The following SAMD15 variants were observed in gnomAD, a reference collection of about 807,000 sequenced individuals.
The protein encoded by SAMD15 is sterile alpha motif domain containing 15, also known as sterile alpha motif domain-containing protein 15.
In SAMD15, 37 loss-of-function variants were observed where a neutral mutation model predicts 50.5. The observed-to-expected ratio is 0.73, with a 90% confidence interval of 0.56 to 0.96. The LOEUF (loss-of-function observed/expected upper bound fraction) is 0.96. Among genes scored for constraint, SAMD15 ranks in the 40% least tolerant of loss-of-function variants. The probability of loss-of-function intolerance (pLI) is 0.00; values close to 1 mark genes in which losing one functional copy is unlikely to be tolerated. For missense variants in SAMD15, 789 were observed against 783.8 expected (o/e 1.01, Z -0.08); for synonymous variants, 255 against 282.8 (o/e 0.90, Z 0.99).
chr14:77,377,393 G>C lies in SAMD15; in HGVS notation c.-26G>C. 2 of 1,571,384 alleles carry C rather than the reference G, an allele frequency of 1.3e-6. No homozygotes were observed. The highest frequency in any genetic ancestry group is 1.9e-5 in the Admixed American group (1 of 53,356). On this transcript the variant is annotated 5_prime_UTR_variant, in exon 1 of 3. Transcript: ENST00000216471. ...TATCGGAAGTTGGGGTTGCTAGGAAGCCGCGGCGCGTCTGCTAAGCTGCAA... is the reference window on the plus strand; with the variant it reads ...TATCGGAAGTTGGGGTTGCTAGGAACCCGCGGCGCGTCTGCTAAGCTGCAA...
intron 1 of SAMD15, among the ~76,000 whole-genome samples, chr14:77,379,686 C>T (rs1253879460): frequency 2.0e-5 from 3 of 152,128 alleles, no homozygotes; most frequent in African/African-American, 7.2e-5. Flanking sequence ...CCACCGTGCC[C>T]GGCCTTAGAC....
rs1264882207 is a variant in SAMD15, at chr14:77,378,767, C to T, written c.1349C>T (p.Ser450Leu). Reference sequence around the variant, plus strand: ...CGTGAGCCTAAAAGAGGAAAGTTGTCACTAAGTGACAAATTTAGAAAAGAA... The same window carrying T: ...CGTGAGCCTAAAAGAGGAAAGTTGTTACTAAGTGACAAATTTAGAAAAGAA... Reference protein sequence around the residue: ...EHREPKRGKLSLSDKFRKEYY... With the variant: ...EHREPKRGKLLLSDKFRKEYY... The change falls in exon 1 of 3, where the codon TCA becomes TTA. Residue 450 changes from serine (S) to leucine (L), a missense_variant. Around this residue, in one of 2 missense-constraint regions of SAMD15, gnomAD observed 770 missense variants for 745.4 expected, o/e 1.03. Coordinates refer to ENST00000216471, the MANE Select transcript of SAMD15 (RefSeq NM_001010860.4). 1.9e-6 allele frequency: 3 copies of T among 1,611,744 alleles called. No individual in the cohort carries two copies. In the South Asian group the frequency reaches 3.3e-5, roughly 18 times the overall value.
chr14:77,377,917 A>G lies in SAMD15; in HGVS notation c.499A>G (p.Thr167Ala). 6.2e-7 allele frequency: 1 copy of G among 1,614,128 alleles called. No individual in the cohort carries two copies. Among genetic ancestry groups the G allele is most frequent in the Non-Finnish European group, 8.5e-7 (1 of 1,180,014 alleles). The change falls in exon 1 of 3, where the codon ACC becomes GCC. Residue 167 changes from threonine to alanine, a missense_variant. By Grantham distance (58) the Thr-to-Ala change is moderately conservative. Coordinates refer to ENST00000216471, the MANE Select transcript of SAMD15 (RefSeq NM_001010860.4). ...TDPDPVPPTE[T>A]MSEVSGATVR... ...TCCAGATCCAGTGCCACCAACGGAAACCATGTCTGAGGTTTCGGGGGCCAC... is the reference window on the plus strand; with the variant it reads ...TCCAGATCCAGTGCCACCAACGGAAGCCATGTCTGAGGTTTCGGGGGCCAC...
At position 77,378,019 on chromosome 14, in the gene SAMD15, C is replaced by T. The variant is rs1233711147; in HGVS notation, c.601C>T (p.His201Tyr). 1.9e-6 allele frequency: 3 copies of T among 1,613,862 alleles called. No homozygotes were observed. The highest frequency in any genetic ancestry group is 1.7e-6 in the Non-Finnish European group (2 of 1,179,996). Residue 201 changes from histidine to tyrosine, a missense_variant, in exon 1 of 3, where the codon CAT (histidine) becomes TAT (tyrosine). This residue lies in a region of SAMD15 where 770 missense variants were observed against 745.4 expected (regional missense o/e 1.03). Transcript: ENST00000216471. ...GVPEESLRVQ[H>Y]EETGLEPPEQ... ...TCCAGAGGAATCACTTAGAGTGCAACATGAAGAGACAGGTCTAGAGCCTCC... is the reference window on the plus strand; with the variant it reads ...TCCAGAGGAATCACTTAGAGTGCAATATGAAGAGACAGGTCTAGAGCCTCC...
chr14:77,379,838 C>G (rs1218869779), intron 1 of SAMD15, among the ~76,000 whole-genome samples: 3 of 152,184 alleles, frequency 2.0e-5, no homozygotes, highest in Non-Finnish European at 4.4e-5. Context: ...AAATATGTCA[C>G]CTGTATCATG....
In SAMD15 at chr14:77,378,978, G is replaced by A. The variant is rs1477846586; in HGVS notation, c.1560G>A (p.Leu520=). 2 of 1,614,070 alleles carry A rather than the reference G, an allele frequency of 1.2e-6. No homozygotes were observed. Among genetic ancestry groups the A allele is most frequent in the African/African-American group, 1.3e-5 (1 of 74,930 alleles). Residue 520 remains leucine (L), a synonymous_variant, in exon 1 of 3, where the codon TTG becomes TTA. Coordinates refer to ENST00000216471, the MANE Select transcript of SAMD15 (RefSeq NM_001010860.4). ...AAGTTGTAGATTTGTCCCAAGAGTT[G>A]AAGGAACGGGTCTCTGAAGATGACG... is the stretch of plus-strand genomic sequence containing the variant. ...EKEVVDLSQE[L]KERVSEDDET...
rs143117906 is a variant in SAMD15 at position 77,391,111 on chromosome 14, A to C, written c.1892A>C (p.Gln631Pro). The part of the protein sequence containing the change: ...YRDIIGLYLE[Q>P]KGHTGIKSDS... ...GATATTATCGGCTTATATTTAGAGC[A>C]AAAAGGTCATACTGGGATAAAATCT... Residue 631 changes from glutamine to proline, a missense_variant, in exon 3 of 3, where the codon CAA becomes CCA. Around this residue, in one of 2 missense-constraint regions of SAMD15, gnomAD observed 770 missense variants for 745.4 expected, o/e 1.03. Transcript: ENST00000216471. 3.1e-6 allele frequency: 5 copies of C among 1,613,720 alleles called. No individual in the cohort carries two copies. Among genetic ancestry groups the C allele is most frequent in the Non-Finnish European group, 4.2e-6 (5 of 1,179,720 alleles).
At chr14:77,388,678 A>G (rs570549590) in intron 2 of SAMD15, among the ~76,000 whole-genome samples, 207 of 151,482 alleles carry the variant, frequency 1.4e-3, no homozygotes, top group African/African-American at 4.9e-3. Flanking sequence ...GTGCGATCTC[A>G]GCTCACTGGA....
At chr14:77,386,234 G>A (rs115502128) in intron 2 of SAMD15, among the ~76,000 whole-genome samples, 1,596 of 152,004 alleles carry the variant, frequency 0.01, 26 homozygotes, top group African/African-American at 0.037. Flanking sequence ...TTTGACAAAT[G>A]CATGCACTCA....
In SAMD15 at chr14:77,378,982, G is replaced by A; in HGVS notation, c.1564G>A (p.Glu522Lys). ...EVVDLSQELKERVSEDDETQP... is the reference protein window; with the variant it reads ...EVVDLSQELKKRVSEDDETQP... ...TGTAGATTTGTCCCAAGAGTTGAAG[G>A]AACGGGTCTCTGAAGATGACGAAAC... Residue 522 changes from glutamate to lysine, a missense_variant, in exon 1 of 3, where the codon GAA becomes AAA. Physicochemically the swap from Glu to Lys is moderately conservative, Grantham distance 56. Coordinates refer to ENST00000216471, the MANE Select transcript of SAMD15 (RefSeq NM_001010860.4). 1 of 1,614,192 alleles carries A rather than the reference G, an allele frequency of 6.2e-7. No homozygotes were observed. Among genetic ancestry groups the A allele is most frequent in the Non-Finnish European group, 8.5e-7 (1 of 1,180,050 alleles).
chr14:77,381,138 G>C (rs1893938593), intron 2 of SAMD15, among the ~76,000 whole-genome samples: 1 of 152,082 alleles, frequency 6.6e-6, no homozygotes, highest in East Asian at 1.9e-4. Flanking sequence ...CCAGCCCACA[G>C]TAGCCCCCAT....
Position 77,379,148 on chromosome 14 carries a change from C to A in SAMD15, c.1689+41C>A, listed in dbSNP as rs1464659004. On this transcript the variant is annotated intron_variant, in intron 1 of 2. Transcript: ENST00000216471. ...ATGTTTTGAAATCACATGCTGTCAT[C>A]CGTCTACTTCTTATTCCTTCTAACT... is the stretch of plus-strand genomic sequence containing the variant. 18 of 1,566,324 alleles carry A rather than the reference C, an allele frequency of 1.1e-5. No individual in the cohort carries two copies. The East Asian group carries it at 4.0e-4, about 35-fold the overall frequency.
Position 77,377,447 on chromosome 14 carries a change from C to G in SAMD15, c.29C>G (p.Ser10Cys). MAEVPEDYDSGPDEDGELEP... is the reference protein window; with the variant it reads MAEVPEDYDCGPDEDGELEP... Reference sequence around the variant, plus strand: ...GCTGAAGTCCCGGAGGATTATGATTCCGGCCCAGATGAAGATGGAGAGCTG... The same window carrying G: ...GCTGAAGTCCCGGAGGATTATGATTGCGGCCCAGATGAAGATGGAGAGCTG... The change falls in exon 1 of 3, where the codon TCC becomes TGC. Residue 10 changes from serine to cysteine, a missense_variant. Around this residue, in one of 2 missense-constraint regions of SAMD15, gnomAD observed 770 missense variants for 745.4 expected, o/e 1.03. Transcript: ENST00000216471. 1.2e-6 allele frequency: 2 copies of G among 1,612,562 alleles called. No individual in the cohort carries two copies. Among genetic ancestry groups the G allele is most frequent in the Non-Finnish European group, 1.7e-6 (2 of 1,179,388 alleles).
At chr14:77,389,177 A>T (rs571184003) in intron 2 of SAMD15, among the ~76,000 whole-genome samples, 2 of 152,280 alleles carry the variant, frequency 1.3e-5, no homozygotes, top group East Asian at 3.9e-4. Flanking sequence ...ATACCCATAA[A>T]TCATCTCTAG....
Position 77,391,287 on chromosome 14 carries a change from C to A in SAMD15, c.*43C>A, listed in dbSNP as rs907674904. ...GAGCTTGAAAGATCAAACTAAATTA[C>A]TTGAGGGAAGAGGTATGGTCTTTTT... On this transcript the variant is annotated 3_prime_UTR_variant, in exon 3 of 3. Transcript: ENST00000216471. 1 of 1,246,704 alleles carries A rather than the reference C, an allele frequency of 8.0e-7. No individual in the cohort carries two copies. Among genetic ancestry groups the A allele is most frequent in the Non-Finnish European group, 1.2e-6 (1 of 867,296 alleles). The allele number at this position is 1,246,704 out of a possible 1,614,324, so 77.2% of individuals were successfully genotyped here.
At chr14:77,390,823 G>A (rs1465001710) in intron 2 of SAMD15, among the ~76,000 whole-genome samples, 185 bp from the exon 3 acceptor site, 5 of 152,212 alleles carry the variant, frequency 3.3e-5, no homozygotes, top group African/African-American at 9.6e-5. Context: ...CCAGGAGGCA[G>A]AGGTGGCAGT....
rs1206153795 is a variant in SAMD15 at position 77,377,453 on chromosome 14, C to A, written c.35C>A (p.Pro12Gln). Residue 12 changes from proline (P) to glutamine (Q), a missense_variant, in exon 1 of 3, where the codon CCA (proline) becomes CAA (glutamine). Physicochemically the swap from Pro to Gln is moderately conservative, Grantham distance 76 (BLOSUM62 -1). Coordinates refer to ENST00000216471, the MANE Select transcript of SAMD15 (RefSeq NM_001010860.4). ...AEVPEDYDSG[P>Q]DEDGELEPER... ...GTCCCGGAGGATTATGATTCCGGCC[C>A]AGATGAAGATGGAGAGCTGGAGCCT... 1.2e-6 allele frequency: 2 copies of A among 1,613,094 alleles called. No individual in the cohort carries two copies. Among genetic ancestry groups the A allele is most frequent in the Admixed American group, 3.4e-5 (2 of 59,698 alleles).
chr14:77,388,338 T>A (rs1226199993), intron 2 of SAMD15, among the ~76,000 whole-genome samples: 1 of 151,692 alleles, frequency 6.6e-6, no homozygotes, highest in Non-Finnish European at 1.5e-5. Context: ...GGTGCACACG[T>A]AGAAGCATGC....
intron 2 of SAMD15, among the ~76,000 whole-genome samples, chr14:77,385,912 A>G (rs1255748072): frequency 6.8e-6 from 1 of 147,560 alleles, no homozygotes; most frequent in African/African-American, 2.6e-5. Flanking sequence ...CAGTGGTGCA[A>G]TCTCAGCTCA....
Sources: gnomAD v4.1 joint callset for allele counts (sites outside exome capture counted in the v4.1 genomes callset) on GRCh38, gnomAD v4.1.1 for gene constraint, gnomAD v4.1.1 regional missense constraint, MANE v1.5 for transcripts, NCBI Gene and HGNC (gene_info 2026-07-23, HGNC 2026-07-21) for gene names.